DCDC2: variants seen among roughly 807,000 people sequenced by gnomAD.
DCDC2 encodes doublecortin domain containing 2.
A neutral mutation model predicts 50.2 loss-of-function variants in DCDC2; 40 were observed. The ratio of observed to expected loss-of-function variants is 0.80; its 90% CI spans 0.62 to 1.04. The LOEUF (loss-of-function observed/expected upper bound fraction) is 1.04. Among genes scored for constraint, DCDC2 ranks in the 50% least tolerant of loss-of-function variants. The pLI is 0.00. For synonymous variants in DCDC2, 234 were observed against 210.6 expected, an observed-to-expected ratio of 1.11 and a Z score of -0.96; for missense variants, 570 against 581.9, an observed-to-expected ratio of 0.98 and a Z score of 0.21.
intron 7 of DCDC2, among the ~76,000 whole-genome samples, chr6:24,266,106 T>G (rs1052166646): frequency 2.0e-5 from 3 of 152,086 alleles, no homozygotes; most frequent in African/African-American, 7.2e-5. Context: ...GGACAGTCTC[T>G]TCAATAAATG....
chr6:24,280,793 G>C (rs1763453453), intron 6 of DCDC2, among the ~76,000 whole-genome samples: 1 of 152,078 alleles, frequency 6.6e-6, no homozygotes, highest in Non-Finnish European at 1.5e-5. Context: ...ACCCACCTCA[G>C]CCTCCCAAAG....
intron 7 of DCDC2, among the ~76,000 whole-genome samples, chr6:24,206,658 C>T (rs73391986): frequency 0.035 from 5,376 of 152,142 alleles, 310 homozygotes; most frequent in African/African-American, 0.12. Context: ...TGTATCCAAG[C>T]GGAGCTACGA....
At chr6:24,324,256 A>G (rs1759821785) in intron 2 of DCDC2, among the ~76,000 whole-genome samples, 1 of 152,230 alleles carries the variant, frequency 6.6e-6, no homozygotes, top group Non-Finnish European at 1.5e-5. Flanking sequence ...GTAACAGTTT[A>G]AAACTGTCAA....
At chr6:24,206,073 G>A (rs1020183505) in intron 7 of DCDC2, among the ~76,000 whole-genome samples, 1 of 152,112 alleles carries the variant, frequency 6.6e-6, no homozygotes, top group African/African-American at 2.4e-5. Flanking sequence ...ATTTCCCAGA[G>A]CATAATTATT....
chr6:24,296,764 C>A (rs1401131011), intron 4 of DCDC2, among the ~76,000 whole-genome samples: 1 of 152,132 alleles, frequency 6.6e-6, no homozygotes, highest in Non-Finnish European at 1.5e-5. Flanking sequence ...CACAATGATA[C>A]ACCATCTCAT....
intron 7 of DCDC2, 165 bp from the exon 8 acceptor site, chr6:24,205,267 T>G (rs747018295): frequency 6.4e-7 from 1 of 1,558,488 alleles, no homozygotes. Flanking sequence ...CCACCCCCAG[T>G]TGTTCCACAT....
intron 2 of DCDC2, among the ~76,000 whole-genome samples, chr6:24,340,700 G>A (rs958539516): frequency 6.6e-6 from 1 of 152,036 alleles, no homozygotes; most frequent in Non-Finnish European, 1.5e-5. Context: ...CAACTTGAAT[G>A]ATATTAGATG....
At chr6:24,209,441 T>C (rs1460265866) in intron 7 of DCDC2, among the ~76,000 whole-genome samples, 1 of 152,198 alleles carries the variant, frequency 6.6e-6, no homozygotes, top group Non-Finnish European at 1.5e-5. Flanking sequence ...TGAGGTGTTT[T>C]GTCCCCAATG....
chr6:24,359,142 T>TATATTTTA (rs1561789023), upstream of DCDC2, among the ~76,000 whole-genome samples: 4 of 57,336 alleles, frequency 7.0e-5, no homozygotes, highest in African/African-American at 3.3e-4. Flanking sequence ...TTTATATATA[T>TATATTTTA]TATATATTTT....
chr6:24,231,635 G>A (rs910310728), intron 7 of DCDC2, among the ~76,000 whole-genome samples: 4 of 152,086 alleles, frequency 2.6e-5, no homozygotes, highest in Non-Finnish European at 4.4e-5. Context: ...TCTGAAGGGA[G>A]TGCTATCCTC....
chr6:24,213,626 A>G (rs960412825), intron 7 of DCDC2, among the ~76,000 whole-genome samples: 2 of 152,210 alleles, frequency 1.3e-5, no homozygotes, highest in Non-Finnish European at 2.9e-5. Context: ...GAATTTTTAT[A>G]CAACTTTTTA....
intron 8 of DCDC2, among the ~76,000 whole-genome samples, chr6:24,186,197 G>C (rs1301922576): frequency 2.6e-5 from 4 of 152,206 alleles, no homozygotes; most frequent in Non-Finnish European, 5.9e-5. Flanking sequence ...ACGCGCTTAA[G>C]CAACAAATGA....
intron 2 of DCDC2, among the ~76,000 whole-genome samples, chr6:24,330,609 TTTGCCA>T (rs1380252794): frequency 6.6e-6 from 1 of 152,226 alleles, no homozygotes; most frequent in Non-Finnish European, 1.5e-5. Flanking sequence ...GCAGGCTATC[TTTGCCA>T]TTCAATACTC....
chr6:24,267,032 T>C (rs574882166), intron 7 of DCDC2, among the ~76,000 whole-genome samples: 5 of 152,322 alleles, frequency 3.3e-5, no homozygotes, highest in African/African-American at 1.2e-4. Context: ...GAGGTCATTA[T>C]GTTAAGTGAA....
chr6:24,371,305 A>G, the DCDC2 span, among the ~76,000 whole-genome samples: 1 of 148,352 alleles, frequency 6.7e-6, no homozygotes, highest in Non-Finnish European at 1.5e-5. Context: ...AAAAGAAAAG[A>G]AAAAAAAGAA....
intron 7 of DCDC2, among the ~76,000 whole-genome samples, chr6:24,269,411 G>A (rs182661185): frequency 2.0e-5 from 3 of 152,296 alleles, no homozygotes; most frequent in African/African-American, 7.2e-5. Context: ...GTCATTGAAA[G>A]GGAAAAGGTA....
chr6:24,216,021 G>C (rs1167271833), intron 7 of DCDC2, among the ~76,000 whole-genome samples: 2 of 152,166 alleles, frequency 1.3e-5, no homozygotes, highest in Non-Finnish European at 2.9e-5. Flanking sequence ...CAGAAGGAAG[G>C]GGATGGGGGT....
At chr6:24,316,322 G>A (rs1201812181) in intron 2 of DCDC2, among the ~76,000 whole-genome samples, 3 of 152,116 alleles carry the variant, frequency 2.0e-5, no homozygotes, top group African/African-American at 7.2e-5. Flanking sequence ...TTTGGGGTTG[G>A]GTAATGGAGG....
chr6:24,257,638 C>T (rs1410111672), intron 7 of DCDC2, among the ~76,000 whole-genome samples: 1 of 150,448 alleles, frequency 6.6e-6, no homozygotes, highest in Middle Eastern at 3.2e-3. Context: ...GACACGCGAT[C>T]GAGAAACTCT....
Sources: gnomAD v4.1 joint callset for allele counts (sites outside exome capture counted in the v4.1 genomes callset) on GRCh38, gnomAD v4.1.1 for gene constraint, MANE v1.5 for transcripts, NCBI Gene and HGNC (gene_info 2026-07-23, HGNC 2026-07-21) for gene names.